KIF5B: variants seen among roughly 807,000 people sequenced by gnomAD.
KIF5B encodes the protein kinesin-1 heavy chain.
Under a neutral mutation model 132.8 loss-of-function variants are expected in KIF5B, and 49 were observed. The observed-to-expected ratio is 0.37, with a 90% CI of 0.29 to 0.47. KIF5B has a LOEUF of 0.47. Ranked by LOEUF, KIF5B falls within the 20% of genes least tolerant of loss-of-function variation. KIF5B has a pLI of 1.00. For synonymous variants in KIF5B, 355 were observed against 369.4 expected, an observed-to-expected ratio of 0.96 and a Z score of 0.45; for missense variants, 780 against 1,144.0, an observed-to-expected ratio of 0.68 and a Z score of 4.59.
At position 32,056,300 on chromosome 10, in the gene KIF5B, G is replaced by T; in HGVS notation, c.-327C>A. The stretch of plus-strand genomic sequence containing the variant: ...CTGCGGGGGCTGGGGAGGTTCTGGG[G>T]ACCGGGAGAGTGGCCACCTTCTTCC... On this transcript the variant is annotated 5_prime_UTR_variant, in exon 1 of 26. Transcript: ENST00000302418. 1 of 308,822 alleles carries T rather than the reference G, an allele frequency of 3.2e-6. No homozygotes were observed. Among genetic ancestry groups the T allele is most frequent in the South Asian group, 3.3e-5 (1 of 30,378 alleles). The allele number at this position is 308,822 out of a possible 1,614,324, so 19.1% of individuals were successfully genotyped here. A position where few individuals can be genotyped will look rare whatever the true frequency, so the allele number is the denominator to read the frequency against.
rs1841451700 is a variant in KIF5B, at chr10:32,035,572, T to C, written c.912A>G (p.Pro304=). The C allele has an allele frequency of 1.2e-6, 2 of 1,612,638 alleles. No homozygotes were observed. The highest frequency in any genetic ancestry group is 1.3e-5 in the African/African-American group (1 of 74,672). Residue 304 remains proline (P), a synonymous_variant, in exon 10 of 26, where the codon CCA becomes CCG. Transcript: ENST00000302418. The part of the protein sequence containing the change: ...CRTTIVICCS[P]SSYNESETKS... ...TTGTTTCAGACTCATTGTATGATGATGGAGAGCAGCAAATTACAATAGTGG... is the reference window on the plus strand; with the variant it reads ...TTGTTTCAGACTCATTGTATGATGACGGAGAGCAGCAAATTACAATAGTGG...
At chr10:32,039,489 A>G (rs1326961587) in intron 3 of KIF5B, 58 bp from the exon 4 acceptor site, 1 of 811,448 alleles carries the variant, frequency 1.2e-6, no homozygotes, top group East Asian at 2.8e-5. Context: ...AAGTAAAAAC[A>G]AAGAGTTTCA....
Position 32,009,279 on chromosome 10 carries a change from CTTT to C in KIF5B, c.*2255_*2257del, listed in dbSNP as rs1218926446. ...ATTAATCGCCATGAATAAATATTCTCTTTATTTCATTGAGTTTCTCTTCTGAAC... is the reference window on the plus strand; with the variant it reads ...ATTAATCGCCATGAATAAATATTCTCATTTCATTGAGTTTCTCTTCTGAAC... On this transcript the variant is annotated 3_prime_UTR_variant, in exon 26 of 26. Transcript: ENST00000302418. 4 of 152,240 alleles carry C rather than the reference CTTT, an allele frequency of 2.6e-5. No homozygotes were observed. The highest frequency in any genetic ancestry group is 1.3e-4 in the Admixed American group (2 of 15,284). 9.4% of individuals were successfully genotyped at this position (152,240 alleles called of 1,614,324 possible).
intron 1 of KIF5B, among the ~76,000 whole-genome samples, chr10:32,053,877 A>C (rs1841722764): frequency 1.3e-5 from 2 of 152,232 alleles, no homozygotes. Flanking sequence ...TATATAGAGT[A>C]CTGAAATTTT....
At position 32,009,487 on chromosome 10, in the gene KIF5B, C is replaced by G. The variant is rs369680187; in HGVS notation, c.*2050G>C. ...AAACAAATTTATGAAATTCTTGGTA[C>G]ACTTTATGAAAGTCTGAAATTATAA... On this transcript the variant is annotated 3_prime_UTR_variant, in exon 26 of 26. Transcript: ENST00000302418. The G allele has an allele frequency of 6.6e-6, 1 of 152,136 alleles. No homozygotes were observed. The highest frequency in any genetic ancestry group is 1.5e-5 in the Non-Finnish European group (1 of 68,016). The allele number at this position is 152,136 out of a possible 1,614,324, so 9.4% of individuals were successfully genotyped here. A position where few individuals can be genotyped will look rare whatever the true frequency, so the allele number is the denominator to read the frequency against.
chr10:32,041,136 ACT>A (rs1464495029), intron 2 of KIF5B, among the ~76,000 whole-genome samples: 1 of 137,006 alleles, frequency 7.3e-6, no homozygotes, highest in Non-Finnish European at 1.5e-5. Flanking sequence ...ACACAGTGAG[ACT>A]CTGTCTCAAA....
At position 32,019,941 on chromosome 10, in the gene KIF5B, C is replaced by G; in HGVS notation, c.2223G>C (p.Met741Ile). 1 of 1,609,190 alleles carries G rather than the reference C, an allele frequency of 6.2e-7. No individual in the cohort carries two copies. Among genetic ancestry groups the G allele is most frequent in the Non-Finnish European group, 8.5e-7 (1 of 1,178,522 alleles). The part of the protein sequence containing the change: ...TDLQDQNQKM[M>I]LEQERLRVEH... ...CTACTCTTAGACGTTCCTGCTCTAA[C>G]ATCATTTTCTGGTTTTGGCTGACGA... Residue 741 changes from methionine (M) to isoleucine (I), a missense_variant, in exon 20 of 26, where the codon ATG (methionine) becomes ATC (isoleucine). Transcript: ENST00000302418.
At chr10:32,038,386 T>C (rs537323322) in intron 5 of KIF5B, among the ~76,000 whole-genome samples, 168 bp from the exon 6 acceptor site, 4 of 152,266 alleles carry the variant, frequency 2.6e-5, no homozygotes, top group East Asian at 3.9e-4. Flanking sequence ...GAGATGTAAA[T>C]AGAAACCAAT....
chr10:32,055,411 G>C (rs1841741561), intron 1 of KIF5B, among the ~76,000 whole-genome samples: 1 of 152,030 alleles, frequency 6.6e-6, no homozygotes, highest in Non-Finnish European at 1.5e-5. Context: ...AGTACACTAC[G>C]GCTTATCTCA....
At position 32,011,115 on chromosome 10, in the gene KIF5B, T is replaced by C. The variant is rs1385364653; in HGVS notation, c.*422A>G. ...AGAAAAAAAAAGGAAGACGTTTTAATAGGAAAAGAAAAACAAGAAGCAGTA... is the reference window on the plus strand; with the variant it reads ...AGAAAAAAAAAGGAAGACGTTTTAACAGGAAAAGAAAAACAAGAAGCAGTA... On this transcript the variant is annotated 3_prime_UTR_variant, in exon 26 of 26. Coordinates refer to ENST00000302418, the MANE Select transcript of KIF5B (RefSeq NM_004521.3). The C allele has an allele frequency of 6.6e-6, 1 of 152,038 alleles. No individual in the cohort carries two copies. The highest frequency in any genetic ancestry group is 6.6e-5 in the Admixed American group (1 of 15,264). 9.4% of individuals were successfully genotyped at this position (152,038 alleles called of 1,614,324 possible). A position where few individuals can be genotyped will look rare whatever the true frequency, so the allele number is the denominator to read the frequency against.
chr10:32,033,555 G>A (rs1169740151), intron 12 of KIF5B, among the ~76,000 whole-genome samples: 1 of 152,164 alleles, frequency 6.6e-6, no homozygotes, highest in Non-Finnish European at 1.5e-5. Context: ...TGTCTTCCCT[G>A]AAACCAGTCC....
chr10:32,044,397 C>T (rs970114702), intron 2 of KIF5B, among the ~76,000 whole-genome samples: 1 of 152,232 alleles, frequency 6.6e-6, no homozygotes, highest in East Asian at 1.9e-4. Flanking sequence ...ACATGCCGGG[C>T]GTGGTGGCTC....
At chr10:32,025,246 C>T (rs1841319879) in intron 15 of KIF5B, among the ~76,000 whole-genome samples, 2 of 152,220 alleles carry the variant, frequency 1.3e-5, no homozygotes, top group South Asian at 4.1e-4. Context: ...AAAATGTTTC[C>T]ACCACTTTGG....
chr10:32,048,420 A>G, intron 2 of KIF5B, 44 bp downstream of exon 2: 1 of 1,295,992 alleles, frequency 7.7e-7, no homozygotes, highest in Non-Finnish European at 1.1e-6. Flanking sequence ...TCACAAACTT[A>G]TTTACTTATT....
chr10:32,046,732 C>T (rs78486184), intron 2 of KIF5B, among the ~76,000 whole-genome samples: 2,429 of 152,258 alleles, frequency 0.016, 76 homozygotes, highest in African/African-American at 0.054. Flanking sequence ...CCTTTCTTTA[C>T]TACCTCGGAA....
chr10:32,033,566 C>CT, intron 12 of KIF5B, among the ~76,000 whole-genome samples: 1 of 152,308 alleles, frequency 6.6e-6, no homozygotes, highest in African/African-American at 2.4e-5. Flanking sequence ...AAACCAGTCC[C>CT]TGGTGCCAAA....
At position 32,018,104 on chromosome 10, in the gene KIF5B, T is replaced by C. The variant is rs1373280854; in HGVS notation, c.2492A>G (p.Lys831Arg). ...DTGGSAAQKQ[K>R]ISFLENNLEQ... ...AAGATTATTTTCAAGAAAGGAGATT[T>C]TTTGCTTCTGAGCAGCGCTGCCTCC... Residue 831 changes from lysine to arginine, a missense_variant, in exon 23 of 26, where the codon AAA becomes AGA. Around this residue, in one of 9 missense-constraint regions of KIF5B, gnomAD observed 32 missense variants for 71.1 expected, o/e 0.45. Transcript: ENST00000302418. The C allele has an allele frequency of 6.2e-7, 1 of 1,612,306 alleles. No homozygotes were observed. Among genetic ancestry groups the C allele is most frequent in the African/African-American group, 1.3e-5 (1 of 74,856 alleles).
intron 12 of KIF5B, among the ~76,000 whole-genome samples, chr10:32,033,253 T>C (rs780363500): frequency 2.0e-5 from 3 of 152,126 alleles, no homozygotes; most frequent in Non-Finnish European, 4.4e-5. Flanking sequence ...AATGACCCAA[T>C]GCCAAATTTT....
At chr10:32,054,218 G>A (rs991011414) in intron 1 of KIF5B, among the ~76,000 whole-genome samples, 3 of 152,164 alleles carry the variant, frequency 2.0e-5, no homozygotes, top group Non-Finnish European at 4.4e-5. Flanking sequence ...GAAACTAATA[G>A]CCTCAAGTTT....
Sources: allele counts gnomAD v4.1 joint callset (sites outside exome capture counted in the v4.1 genomes callset), GRCh38; gene constraint gnomAD v4.1.1; regional missense constraint gnomAD v4.1.1; transcripts MANE v1.5; gene names NCBI Gene and HGNC (gene_info 2026-07-23, HGNC 2026-07-21).